The following DCC variants were observed in gnomAD, a reference collection of about 807,000 sequenced individuals.
DCC encodes the protein netrin receptor DCC.
DCC carries 58 observed loss-of-function variants against 172.5 expected under a neutral mutation model. That is an observed-to-expected ratio of 0.34 (90% confidence interval 0.27 to 0.42). DCC has a LOEUF of 0.42. Ranked by LOEUF, DCC falls within the 10% of genes least tolerant of loss-of-function variation. The probability of loss-of-function intolerance (pLI) is 1.00; values close to 1 mark genes in which losing one functional copy is unlikely to be tolerated. For missense variants in DCC, 1,740 were observed against 1,791.0 expected (o/e 0.97, Z 0.51); for synonymous variants, 709 against 644.5 (o/e 1.10, Z -1.52).
intron 2 of DCC, among the ~76,000 whole-genome samples, chr18:52,847,058 G>T (rs2038905778): frequency 6.6e-6 from 1 of 152,158 alleles, no homozygotes; most frequent in Admixed American, 6.5e-5. Flanking sequence ...GCTTTCTACT[G>T]AGATGGGCTT....
intron 1 of DCC, among the ~76,000 whole-genome samples, chr18:52,558,617 C>T (rs929902719): frequency 2.5e-4 from 38 of 152,078 alleles, no homozygotes; most frequent in Non-Finnish European, 4.7e-4. Context: ...GTCAGTAGAA[C>T]GGGGTTTATC....
Position 52,663,510 on chromosome 18 carries a change from C to G in DCC, c.92-88544C>G, listed in dbSNP as rs151135509. On this transcript the variant is annotated intron_variant, in intron 1 of 28. Coordinates refer to ENST00000442544, the MANE Select transcript of DCC (RefSeq NM_005215.4). ...GCAAAAGGTTGTAGTTCTGTAGGGA[C>G]AGTTGGGGTAATAATTATTGATAAA... 6.0e-3 allele frequency among the ~76,000 whole-genome samples: 914 copies of G among 152,176 alleles called. 8 individuals are homozygous for G. Among genetic ancestry groups the G allele is most frequent in the African/African-American group, 0.021 (859 of 41,492 alleles).
chr18:52,847,695 C>T (rs1461346534), intron 2 of DCC, among the ~76,000 whole-genome samples: 1 of 152,156 alleles, frequency 6.6e-6, no homozygotes, highest in Non-Finnish European at 1.5e-5. Flanking sequence ...AAGCTTGATA[C>T]ATCCTCTGAC....
chr18:52,950,602 T>C (rs1171088026), intron 5 of DCC, among the ~76,000 whole-genome samples: 1 of 152,094 alleles, frequency 6.6e-6, no homozygotes, highest in Non-Finnish European at 1.5e-5. Flanking sequence ...AGCCTCCCTA[T>C]CTTTTACCTT....
intron 13 of DCC, among the ~76,000 whole-genome samples, chr18:53,317,475 C>A (rs2057357903): frequency 6.6e-6 from 1 of 152,072 alleles, no homozygotes; most frequent in African/African-American, 2.4e-5. Context: ...GTGTTGGTAT[C>A]AGGATGATGC....
chr18:52,760,999 C>T (rs985247593), intron 2 of DCC, among the ~76,000 whole-genome samples: 23 of 152,200 alleles, frequency 1.5e-4, no homozygotes, highest in Admixed American at 5.9e-4. Context: ...TAATCTATAT[C>T]TGCATACTCT....
At chr18:52,930,199 A>T (rs9960722) in intron 5 of DCC, among the ~76,000 whole-genome samples, 59,588 of 151,724 alleles carry the variant, frequency 0.39, 12,307 homozygotes, top group Non-Finnish European at 0.47. Context: ...TCCTGGGCTG[A>T]AGTGATCCTG....
rs115781757 is a variant in DCC, at chr18:52,522,896, C to T, written c.91+182018C>T. Among the ~76,000 whole-genome samples, 363 of 152,292 alleles carry T rather than the reference C, an allele frequency of 2.4e-3. 1 individual carries two copies. Among genetic ancestry groups the T allele is most frequent in the African/African-American group, 8.5e-3 (354 of 41,550 alleles). Reference sequence around the variant, plus strand: ...GTTGGGTGTGACAATCATTGCAGATCTGTAAGAGTGGTAATTCTAGCACCA... The same window carrying T: ...GTTGGGTGTGACAATCATTGCAGATTTGTAAGAGTGGTAATTCTAGCACCA... On this transcript the variant is annotated intron_variant, in intron 1 of 28. Transcript: ENST00000442544.
At chr18:53,402,401 A>AT (rs200912889) in intron 18 of DCC, among the ~76,000 whole-genome samples, 54,597 of 143,550 alleles carry the variant, frequency 0.38, 11,931 homozygotes, top group Non-Finnish European at 0.51. Flanking sequence ...AAAAAAAAAA[A>AT]AAATAAATAA....
intron 1 of DCC, among the ~76,000 whole-genome samples, chr18:52,439,377 G>A (rs1733045702): frequency 6.6e-6 from 1 of 152,040 alleles, no homozygotes; most frequent in Non-Finnish European, 1.5e-5. Flanking sequence ...TTTTGGCATG[G>A]AACCTGACTC....
chr18:52,508,758 A>T (rs149167911), intron 1 of DCC, among the ~76,000 whole-genome samples: 24 of 152,392 alleles, frequency 1.6e-4, no homozygotes, highest in African/African-American at 4.8e-4. Context: ...TATTCAAACA[A>T]ATAAGATTCT....
intron 1 of DCC, among the ~76,000 whole-genome samples, chr18:52,452,652 T>C (rs1218766188): frequency 6.6e-6 from 1 of 152,216 alleles, no homozygotes; most frequent in Non-Finnish European, 1.5e-5. Flanking sequence ...AGAACAGTGA[T>C]TCATGTCACA....
rs2033990079 is a variant in DCC at position 52,600,254 on chromosome 18, T to A, written c.92-151800T>A. 2.0e-5 allele frequency among the ~76,000 whole-genome samples: 3 copies of A among 152,196 alleles called. No homozygotes were observed. In the South Asian group the frequency reaches 6.2e-4, roughly 31 times the overall value. On this transcript the variant is annotated intron_variant, in intron 1 of 28. Coordinates refer to ENST00000442544, the MANE Select transcript of DCC (RefSeq NM_005215.4). ...TAACTAGCGTCCCCAGCTCTATTTA[T>A]TGAAATGACCAGGTTTTCCTCACAA...
At chr18:52,619,680 T>C (rs2034445532) in intron 1 of DCC, among the ~76,000 whole-genome samples, 1 of 152,164 alleles carries the variant, frequency 6.6e-6, no homozygotes, top group Non-Finnish European at 1.5e-5. Context: ...GTCCTTATTA[T>C]GTGTAAAATG....
At chr18:52,702,785 C>T (rs556556686) in intron 1 of DCC, among the ~76,000 whole-genome samples, 2 of 152,128 alleles carry the variant, frequency 1.3e-5, no homozygotes, top group Non-Finnish European at 1.5e-5. Context: ...AGGTCTATAT[C>T]TGGCCTTCCA....
rs529358326 is a variant in DCC at position 53,264,270 on chromosome 18, T to C, written c.1912-41308T>C. ...TTGGGAGGCCGAGGCAGGCAGATCA[T>C]GAGGTCAGGAGTTCAAGACCAGCCT... is the stretch of plus-strand genomic sequence containing the variant. On this transcript the variant is annotated intron_variant, in intron 12 of 28. Transcript: ENST00000442544. Among the ~76,000 whole-genome samples the C allele has an allele frequency of 9.2e-5, 14 of 152,040 alleles. No homozygotes were observed. The East Asian group carries it at 2.5e-3, about 27-fold the overall frequency.
At chr18:53,054,597 TAGAG>T (rs1380799953) in intron 5 of DCC, among the ~76,000 whole-genome samples, 1 of 152,060 alleles carries the variant, frequency 6.6e-6, no homozygotes, top group Non-Finnish European at 1.5e-5. Context: ...GCTCCACAAT[TAGAG>T]AGATGGAAAG....
chr18:52,437,930 G>A (rs1335631911), intron 1 of DCC, among the ~76,000 whole-genome samples: 3 of 152,182 alleles, frequency 2.0e-5, no homozygotes, highest in African/African-American at 7.2e-5. Flanking sequence ...CACCTGGTGA[G>A]TTTTGAATGG....
chr18:52,424,010 G>A (rs1403379700), intron 1 of DCC, among the ~76,000 whole-genome samples: 1 of 152,058 alleles, frequency 6.6e-6, no homozygotes, highest in East Asian at 1.9e-4. Flanking sequence ...AAAAGTCCAG[G>A]ATATGGCTCA....
Sources: gnomAD v4.1 joint callset for allele counts (sites outside exome capture counted in the v4.1 genomes callset) on GRCh38, gnomAD v4.1.1 for gene constraint, MANE v1.5 for transcripts, NCBI Gene and HGNC (gene_info 2026-07-23, HGNC 2026-07-21) for gene names.